Variants in ITFG1 observed in about 807,000 individuals in gnomAD.
ITFG1 encodes integrin alpha FG-GAP repeat containing 1, also known as T-cell immunomodulatory protein.
A neutral mutation model predicts 81.8 loss-of-function variants in ITFG1; 34 were observed. The observed-to-expected ratio is 0.42, with a 90% CI of 0.32 to 0.55. The LOEUF (loss-of-function observed/expected upper bound fraction) is 0.55, where lower values mean the gene tolerates loss of function less well. Ranked by LOEUF, ITFG1 falls within the 20% of genes least tolerant of loss-of-function variation. ITFG1 has a pLI of 0.17. For synonymous variants in ITFG1, 285 were observed against 270.6 expected (o/e 1.05, Z -0.52); for missense variants, 672 against 755.4 (o/e 0.89, Z 1.29).
chr16:47,422,955 C>G (rs557625090), intron 6 of ITFG1, among the ~76,000 whole-genome samples: 395 of 152,288 alleles, frequency 2.6e-3, no homozygotes, highest in African/African-American at 9.0e-3. Flanking sequence ...TGGTCCAGAG[C>G]TGAGTTCAGT....
intron 10 of ITFG1, among the ~76,000 whole-genome samples, chr16:47,261,741 G>C (rs1248353002): frequency 6.6e-6 from 1 of 152,082 alleles, no homozygotes; most frequent in Non-Finnish European, 1.5e-5. Flanking sequence ...GTGCAATCTC[G>C]CCTCACTGCA....
intron 12 of ITFG1, among the ~76,000 whole-genome samples, chr16:47,240,561 T>C (rs1228724813): frequency 1.3e-5 from 2 of 152,050 alleles, no homozygotes; most frequent in East Asian, 3.9e-4. Context: ...TCATTAACCA[T>C]CAGAAAAATA....
intron 5 of ITFG1, among the ~76,000 whole-genome samples, chr16:47,432,413 C>A (rs1344520623): frequency 6.6e-6 from 1 of 152,152 alleles, no homozygotes; most frequent in Non-Finnish European, 1.5e-5. Context: ...TTGTTCTTGG[C>A]AGGTGGAATC....
intron 8 of ITFG1, among the ~76,000 whole-genome samples, chr16:47,324,183 A>C (rs1252553744): frequency 7.9e-5 from 12 of 152,076 alleles, no homozygotes; most frequent in Non-Finnish European, 1.8e-4. Context: ...GCCAATATTC[A>C]ACATTCTTAA....
intron 13 of ITFG1, among the ~76,000 whole-genome samples, chr16:47,228,808 G>T (rs1460400335): frequency 5.3e-5 from 8 of 152,144 alleles, no homozygotes; most frequent in Non-Finnish European, 1.2e-4. Context: ...ATTAATTGTT[G>T]TAACAATGGA....
At chr16:47,267,202 C>T (rs1966287160) in intron 10 of ITFG1, among the ~76,000 whole-genome samples, 1 of 152,002 alleles carries the variant, frequency 6.6e-6, no homozygotes, top group South Asian at 2.1e-4. Context: ...TATATCTCAA[C>T]AAAACTATTT....
chr16:47,382,057 C>T (rs1464906341), intron 6 of ITFG1, among the ~76,000 whole-genome samples: 1 of 152,122 alleles, frequency 6.6e-6, no homozygotes, highest in Non-Finnish European at 1.5e-5. Context: ...TAGCTCCAGA[C>T]AATTGTTGTT....
rs145126768 is a variant in ITFG1 at position 47,431,087 on chromosome 16, C to T, written c.561-2189G>A. On this transcript the variant is annotated intron_variant, in intron 5 of 17. Transcript: ENST00000320640. The stretch of plus-strand genomic sequence containing the variant: ...GAAAAAAGGCAGAAACAAAAGGTTA[C>T]GTACTGGAGAATTCCATTTATGTGA... Among the ~76,000 whole-genome samples the T allele has an allele frequency of 2.1e-3, 327 of 152,276 alleles. 1 individual carries two copies. The highest frequency in any genetic ancestry group is 3.5e-3 in the Admixed American group (54 of 15,298).
chr16:47,181,826 T>C (rs1965128319), intron 14 of ITFG1, among the ~76,000 whole-genome samples: 1 of 152,214 alleles, frequency 6.6e-6, no homozygotes, highest in African/African-American at 2.4e-5. Flanking sequence ...CTTTTCATTT[T>C]GTTCTGTACT....
intron 8 of ITFG1, among the ~76,000 whole-genome samples, chr16:47,347,792 C>A (rs564760791): frequency 2.0e-5 from 3 of 152,208 alleles, no homozygotes; most frequent in Non-Finnish European, 4.4e-5. Context: ...GGAGGCACCC[C>A]CAAGTAGGGG....
intron 14 of ITFG1, among the ~76,000 whole-genome samples, chr16:47,189,397 T>C (rs908232246): frequency 1.3e-5 from 2 of 152,220 alleles, no homozygotes; most frequent in African/African-American, 4.8e-5. Context: ...TGGTAACCAC[T>C]ACTGTCCTTT....
rs1596949776 is a variant in ITFG1, at chr16:47,387,017, A to ACCTACACC, written c.656-11078_656-11077insGGTGTAGG. Among the ~76,000 whole-genome samples, 25 of 152,308 alleles carry ACCTACACC rather than the reference A, an allele frequency of 1.6e-4. 1 individual carries two copies. In the East Asian group the frequency reaches 4.6e-3, roughly 28 times the overall value. On this transcript the variant is annotated intron_variant, in intron 6 of 17. Coordinates refer to ENST00000320640, the MANE Select transcript of ITFG1 (RefSeq NM_030790.5). ...GAAGTCTGGACAAACCTACAACACC[A>ACCTACACC]ACCTACAGAACAAACCTGCAAAGGA...
In ITFG1 at chr16:47,350,357, C is replaced by T. The variant is rs1036650843; in HGVS notation, c.802+15431G>A. Among the ~76,000 whole-genome samples, 16 of 151,902 alleles carry T rather than the reference C, an allele frequency of 1.1e-4. 1 individual carries two copies. The highest frequency in any genetic ancestry group is 4.6e-4 in the Admixed American group (7 of 15,260). ...AGAAAAGAGAGAAGAATCAAATAGA[C>T]GCAATAAAAAATGATAAAGGGGATA... On this transcript the variant is annotated intron_variant, in intron 8 of 17. Transcript: ENST00000320640.
At chr16:47,262,637 A>G (rs1185547288) in intron 10 of ITFG1, 1 of 152,250 alleles carries the variant, frequency 6.6e-6, no homozygotes, top group East Asian at 1.9e-4. Flanking sequence ...ATATACAACA[A>G]CCTACAACAA....
chr16:47,316,647 C>G (rs914400963), intron 8 of ITFG1, among the ~76,000 whole-genome samples: 1 of 152,212 alleles, frequency 6.6e-6, no homozygotes, highest in African/African-American at 2.4e-5. Context: ...AAAGCTGTTA[C>G]TTAATAGCCT....
Position 47,158,933 on chromosome 16 carries a change from A to G in ITFG1, c.1719T>C (p.Ala573=), listed in dbSNP as rs756210674. The change falls in exon 17 of 18, where the codon GCT becomes GCC. Residue 573 remains alanine (A), a synonymous_variant. Coordinates refer to ENST00000320640, the MANE Select transcript of ITFG1 (RefSeq NM_030790.5). ...PSNIVLLTAI[A]LIGVCVFILA... The stretch of plus-strand genomic sequence containing the variant: ...AGATGAAAACACAGACACCGATGAG[A>G]GCTATAGCAGTAAGCAGAACAATAT... 6.2e-7 allele frequency: 1 copy of G among 1,605,712 alleles called. No homozygotes were observed. The highest frequency in any genetic ancestry group is 8.5e-7 in the Non-Finnish European group (1 of 1,175,814).
rs951204295 is a variant in ITFG1, at chr16:47,239,629, T to C, written c.1331-1621A>G. On this transcript the variant is annotated intron_variant, in intron 12 of 17. Coordinates refer to ENST00000320640, the MANE Select transcript of ITFG1 (RefSeq NM_030790.5). ...ATACCTGTTCATTTACTATAGAATA[T>C]TTACATTAAATACAACTTGAGGAAA... Among the ~76,000 whole-genome samples, 16 of 152,328 alleles carry C rather than the reference T, an allele frequency of 1.1e-4. No homozygotes were observed. In the South Asian group the frequency reaches 2.9e-3, roughly 28 times the overall value.
chr16:47,378,024 T>A (rs1968349070), intron 6 of ITFG1, among the ~76,000 whole-genome samples: 1 of 152,200 alleles, frequency 6.6e-6, no homozygotes, highest in Admixed American at 6.5e-5. Flanking sequence ...TCACAGTGAC[T>A]ACTGTACTAA....
In ITFG1 at chr16:47,161,351, C is replaced by T. The variant is rs1964802449; in HGVS notation, c.1661+399G>A. On this transcript the variant is annotated intron_variant, in intron 16 of 17. Transcript: ENST00000320640. ...GGAGCTGAATCATTTTAGCCTACAT[C>T]TATTTAACTCCAAAATTTGTGCCCA... Among the ~76,000 whole-genome samples, 3 of 152,174 alleles carry T rather than the reference C, an allele frequency of 2.0e-5. No homozygotes were observed. The South Asian group carries it at 6.2e-4, about 31-fold the overall frequency.
Sources: gnomAD v4.1 joint callset for allele counts (sites outside exome capture counted in the v4.1 genomes callset) on GRCh38, gnomAD v4.1.1 for gene constraint, MANE v1.5 for transcripts, NCBI Gene and HGNC (gene_info 2026-07-23, HGNC 2026-07-21) for gene names.